The following PTPN3 variants were observed in gnomAD, a reference collection of about 807,000 sequenced individuals.
PTPN3 encodes protein tyrosine phosphatase non-receptor type 3, also known as tyrosine-protein phosphatase non-receptor type 3.
In PTPN3, 96 loss-of-function variants were observed where a neutral mutation model predicts 132.7. The observed-to-expected ratio is 0.72, with a 90% CI of 0.61 to 0.86. The LOEUF (loss-of-function observed/expected upper bound fraction) is 0.86. PTPN3 is among the 40% of genes least tolerant of loss of function. PTPN3 has a pLI of 0.00. For missense variants in PTPN3, 1,125 were observed against 1,159.6 expected (o/e 0.97, Z 0.43); for synonymous variants, 398 against 429.0 (o/e 0.93, Z 0.89).
rs533109320 is a variant in PTPN3, at chr9:109,378,249, CA to C, written c.*1306del. ...AAAAATACCACATTAAATGTTTACA[CA>C]ATTTATTTTCCTTAAATAATAATTT... On this transcript the variant is annotated 3_prime_UTR_variant, in exon 26 of 26. Coordinates refer to ENST00000374541, the MANE Select transcript of PTPN3 (RefSeq NM_002829.4). The C allele has an allele frequency of 7.9e-5, 12 of 152,276 alleles. No homozygotes were observed. The highest frequency in any genetic ancestry group is 5.9e-4 in the Admixed American group (9 of 15,280). The allele number at this position is 152,276 out of a possible 1,614,324, so 9.4% of individuals were successfully genotyped here.
At chr9:109,455,937 T>C (rs1214443569) in intron 4 of PTPN3, among the ~76,000 whole-genome samples, 1 of 152,228 alleles carries the variant, frequency 6.6e-6, no homozygotes, top group Non-Finnish European at 1.5e-5. Flanking sequence ...ACAACACCTA[T>C]TCATGCCTTG....
intron 1 of PTPN3, among the ~76,000 whole-genome samples, chr9:109,464,738 T>C (rs764663584): frequency 1.2e-4 from 19 of 152,216 alleles, no homozygotes; most frequent in Non-Finnish European, 2.1e-4. Flanking sequence ...TATACTACTA[T>C]ACAGCAAAAG....
At chr9:109,410,179 G>T in intron 15 of PTPN3, 50 bp downstream of exon 15, 2 of 1,611,024 alleles carry the variant, frequency 1.2e-6, no homozygotes, top group African/African-American at 1.3e-5. Flanking sequence ...CCCACAAGAG[G>T]CCGGGAAGCC....
intron 7 of PTPN3, among the ~76,000 whole-genome samples, chr9:109,444,812 C>T (rs752623513): frequency 6.6e-6 from 1 of 152,172 alleles, no homozygotes; most frequent in African/African-American, 2.4e-5. Flanking sequence ...ACCAACCAAG[C>T]AGCAGGGGTG....
At chr9:109,486,551 A>G (rs1207889399) in intron 1 of PTPN3, among the ~76,000 whole-genome samples, 2 of 152,164 alleles carry the variant, frequency 1.3e-5, no homozygotes, top group African/African-American at 4.8e-5. Flanking sequence ...GTTTCTAAGC[A>G]GGAAGACTAT....
the PTPN3 span, among the ~76,000 whole-genome samples, chr9:109,519,576 A>G: frequency 6.6e-6 from 1 of 152,144 alleles, no homozygotes; most frequent in African/African-American, 2.4e-5. Flanking sequence ...TCAAGGTCAC[A>G]TAGCCTGTAA....
At chr9:109,516,086 A>T in the PTPN3 span, among the ~76,000 whole-genome samples, 4 of 152,188 alleles carry the variant, frequency 2.6e-5, no homozygotes, top group Admixed American at 2.6e-4. Flanking sequence ...ACTCCTGTCA[A>T]AATTAGTAAA....
intron 1 of PTPN3, among the ~76,000 whole-genome samples, chr9:109,485,399 G>T (rs906239078): frequency 6.6e-6 from 1 of 151,920 alleles, no homozygotes; most frequent in Non-Finnish European, 1.5e-5. Flanking sequence ...TCCCAGCTAC[G>T]CGGGAGGCTG....
intron 22 of PTPN3, among the ~76,000 whole-genome samples, chr9:109,384,780 G>A (rs1479950226): frequency 6.6e-6 from 1 of 152,220 alleles, no homozygotes; most frequent in African/African-American, 2.4e-5. Flanking sequence ...TAATTTGTTG[G>A]GAAACAGCCT....
chr9:109,422,489 C>A (rs1466759794), intron 13 of PTPN3, among the ~76,000 whole-genome samples: 3 of 152,108 alleles, frequency 2.0e-5, no homozygotes, highest in African/African-American at 7.2e-5. Context: ...GTTTCCCAAA[C>A]TATTTAGATT....
chr9:109,473,676 C>T (rs373230652), intron 1 of PTPN3, among the ~76,000 whole-genome samples: 9 of 152,182 alleles, frequency 5.9e-5, no homozygotes, highest in South Asian at 2.1e-4. Context: ...GCCTTGAAGC[C>T]GGCAGAAAAC....
chr9:109,416,266 G>C (rs1195818550), intron 14 of PTPN3, among the ~76,000 whole-genome samples: 2 of 152,114 alleles, frequency 1.3e-5, no homozygotes, highest in Non-Finnish European at 2.9e-5. Context: ...AGCACAGCTT[G>C]GGAAGAACAG....
chr9:109,531,545 C>A, the PTPN3 span, among the ~76,000 whole-genome samples: 3 of 152,190 alleles, frequency 2.0e-5, no homozygotes, highest in African/African-American at 7.2e-5. Context: ...AGTTCTGTAA[C>A]CTCTTTGGGC....
chr9:109,501,910 A>G (rs1847868399), upstream of PTPN3, among the ~76,000 whole-genome samples: 2 of 152,266 alleles, frequency 1.3e-5, no homozygotes, highest in Admixed American at 1.3e-4. Flanking sequence ...AGAGAAAGCC[A>G]GGACCGTAAG....
chr9:109,399,100 G>A (rs1371834955), intron 19 of PTPN3, among the ~76,000 whole-genome samples: 1 of 152,202 alleles, frequency 6.6e-6, no homozygotes, highest in Non-Finnish European at 1.5e-5. Flanking sequence ...GGCTAATGTT[G>A]GAGGATAGAG....
intron 22 of PTPN3, among the ~76,000 whole-genome samples, chr9:109,388,703 C>T (rs1839804753): frequency 6.6e-6 from 1 of 152,114 alleles, no homozygotes; most frequent in Non-Finnish European, 1.5e-5. Flanking sequence ...GGTTATCAGC[C>T]CTAAGACAAG....
intron 13 of PTPN3, among the ~76,000 whole-genome samples, chr9:109,422,207 G>A (rs186317125): frequency 1.3e-5 from 2 of 152,098 alleles, no homozygotes; most frequent in Non-Finnish European, 1.5e-5. Context: ...TTTACCAAAC[G>A]ACCACCTATT....
At chr9:109,453,185 A>T (rs1470158925) in intron 5 of PTPN3, among the ~76,000 whole-genome samples, 1 of 152,252 alleles carries the variant, frequency 6.6e-6, no homozygotes, top group African/African-American at 2.4e-5. Context: ...GGCAAAATAC[A>T]GTAACAGATT....
chr9:109,451,064 A>T, intron 5 of PTPN3: 6 of 972,072 alleles, frequency 6.2e-6, no homozygotes, highest in Non-Finnish European at 7.3e-6. Flanking sequence ...TTTTTAAAGC[A>T]TGTGAATTAA....
Sources: gnomAD v4.1 joint callset for allele counts (sites outside exome capture counted in the v4.1 genomes callset) on GRCh38, gnomAD v4.1.1 for gene constraint, MANE v1.5 for transcripts, NCBI Gene and HGNC (gene_info 2026-07-23, HGNC 2026-07-21) for gene names.